EML5: variants seen among roughly 807,000 people sequenced by gnomAD.
The protein encoded by EML5 is echinoderm microtubule-associated protein-like 5.
EML5 carries 120 observed loss-of-function variants against 250.0 expected under a neutral mutation model. The ratio of observed to expected loss-of-function variants is 0.48; its 90% CI spans 0.41 to 0.56. EML5 has a LOEUF of 0.56. Ranked by LOEUF, EML5 falls within the 20% of genes least tolerant of loss-of-function variation. The probability of loss-of-function intolerance (pLI) is 0.00; values close to 1 mark genes in which losing one functional copy is unlikely to be tolerated. For synonymous variants in EML5, 771 were observed against 806.5 expected (o/e 0.96, Z 0.75); for missense variants, 2,006 against 2,437.6 (o/e 0.82, Z 3.73).
At chr14:88,700,194 C>T (rs1333114384) in intron 14 of EML5, among the ~76,000 whole-genome samples, 1 of 152,134 alleles carries the variant, frequency 6.6e-6, no homozygotes, top group Non-Finnish European at 1.5e-5. Flanking sequence ...AAGTTTCTTT[C>T]ACATTCTTTC....
intron 21 of EML5, 94 bp from the exon 22 acceptor site, chr14:88,665,583 C>T: frequency 2.0e-6 from 3 of 1,525,776 alleles, no homozygotes; most frequent in Non-Finnish European, 8.9e-7. Flanking sequence ...TCCAAGCACT[C>T]TGGGGAGCTG....
intron 1 of EML5, among the ~76,000 whole-genome samples, chr14:88,783,545 T>C (rs527555287): frequency 3.9e-5 from 6 of 152,168 alleles, no homozygotes; most frequent in African/African-American, 1.4e-4. Context: ...AAAAAGTAGA[T>C]TTGAAGTAAA....
At position 88,720,160 on chromosome 14, in the gene EML5, A is replaced by G. The variant is rs191399491; in HGVS notation, c.1188-4965T>C. ...GGCAGTAATAAATAGCCTACCAACC[A>G]AAAAAGGCTCATGACCAGATGAATT... On this transcript the variant is annotated intron_variant, in intron 8 of 43. Coordinates refer to ENST00000554922, the MANE Select transcript of EML5 (RefSeq NM_183387.3). Among the ~76,000 whole-genome samples, 107 of 152,312 alleles carry G rather than the reference A, an allele frequency of 7.0e-4. No individual in the cohort carries two copies. The South Asian group carries it at 9.1e-3, about 13-fold the overall frequency.
intron 30 of EML5, 67 bp from the exon 31 acceptor site, chr14:88,643,089 T>C (rs753210792): frequency 2.0e-4 from 282 of 1,420,848 alleles, no homozygotes; most frequent in Non-Finnish European, 2.6e-4. Context: ...TGTTTTGTTG[T>C]ATACGTAATA....
intron 20 of EML5, 45 bp from the exon 21 acceptor site, chr14:88,682,076 T>C (rs1352829336): frequency 6.9e-7 from 1 of 1,458,588 alleles, no homozygotes; most frequent in Non-Finnish European, 9.1e-7. Flanking sequence ...TGTGTGTATA[T>C]TTATACACAG....
chr14:88,739,570 C>A (rs897882233), intron 5 of EML5, among the ~76,000 whole-genome samples: 4 of 151,874 alleles, frequency 2.6e-5, no homozygotes, highest in African/African-American at 9.7e-5. Context: ...AAATATAAAA[C>A]AAGAATATTA....
At chr14:88,646,905 A>G (rs540472029) in intron 29 of EML5, 42 bp downstream of exon 29, 3 of 1,577,986 alleles carry the variant, frequency 1.9e-6, no homozygotes, top group Non-Finnish European at 2.6e-6. Context: ...GATGACAAAA[A>G]TACAAAGTTA....
At chr14:88,624,667 C>T (rs1375003093) in intron 36 of EML5, 7 of 255,316 alleles carry the variant, frequency 2.7e-5, no homozygotes, top group Non-Finnish European at 5.2e-5. Context: ...CCCCCATGGG[C>T]CTCCTACTCA....
chr14:88,671,015 C>T (rs2092449013), intron 21 of EML5, among the ~76,000 whole-genome samples: 1 of 152,160 alleles, frequency 6.6e-6, no homozygotes, highest in African/African-American at 2.4e-5. Context: ...ACTTCCCCAA[C>T]CTAACAAGAC....
At chr14:88,736,312 G>A (rs2093840780) in intron 7 of EML5, 52 bp downstream of exon 7, 1 of 1,593,562 alleles carries the variant, frequency 6.3e-7, no homozygotes, top group Non-Finnish European at 8.6e-7. Flanking sequence ...TTTTCTTTAT[G>A]TTTATCTAAG....
chr14:88,720,627 C>A (rs1389188328), intron 8 of EML5, among the ~76,000 whole-genome samples: 3 of 151,996 alleles, frequency 2.0e-5, no homozygotes, highest in Non-Finnish European at 4.4e-5. Flanking sequence ...GGAACATCCC[C>A]CAAAATAATA....
At chr14:88,772,276 G>A (rs1044864750) in intron 1 of EML5, among the ~76,000 whole-genome samples, 5 of 152,014 alleles carry the variant, frequency 3.3e-5, no homozygotes, top group South Asian at 4.2e-4. Context: ...CAACTACTTC[G>A]GTAGCCTTCT....
At chr14:88,643,324 A>T (rs2091171245) in intron 30 of EML5, among the ~76,000 whole-genome samples, 2 of 152,224 alleles carry the variant, frequency 1.3e-5, no homozygotes, top group African/African-American at 2.4e-5. Context: ...ACTGAGGTAC[A>T]GTTGGCCTTA....
Position 88,792,328 on chromosome 14 carries a change from C to A in EML5, c.176G>T (p.Gly59Val). Reference protein sequence around the residue: ...PREHRQKFYRGHSDDIISLAL... With the variant: ...PREHRQKFYRVHSDDIISLAL... Reference sequence around the variant, plus strand: ...GTACCTGATGATGTCGTCGCTGTGGCCCCGGTAGAACTTCTGCCTGTGCTC... The same window carrying A: ...GTACCTGATGATGTCGTCGCTGTGGACCCGGTAGAACTTCTGCCTGTGCTC... Residue 59 changes from glycine (G) to valine (V), a missense_variant, in exon 1 of 44, where the codon GGC becomes GTC. Physicochemically the swap from Gly to Val is moderately radical, Grantham distance 109. Transcript: ENST00000554922. The surrounding 1 kb of genome is among the most constrained non-coding windows in gnomAD (Gnocchi z 6.9). 6.4e-7 allele frequency: 1 copy of A among 1,562,294 alleles called. No individual in the cohort carries two copies. The highest frequency in any genetic ancestry group is 8.7e-7 in the Non-Finnish European group (1 of 1,155,340).
intron 20 of EML5, among the ~76,000 whole-genome samples, chr14:88,683,983 AG>A (rs1489255479): frequency 2.0e-5 from 3 of 152,094 alleles, no homozygotes; most frequent in Non-Finnish European, 2.9e-5. Flanking sequence ...AAAAAGAAAT[AG>A]CAGGCATCCA....
At chr14:88,697,107 A>G (rs921798026) in intron 14 of EML5, among the ~76,000 whole-genome samples, 155 bp from the exon 15 acceptor site, 43 of 152,130 alleles carry the variant, frequency 2.8e-4, no homozygotes, top group Non-Finnish European at 1.2e-4. Flanking sequence ...AGTGACTGAT[A>G]TTTTTTTCTT....
At chr14:88,660,409 T>C (rs1384935615) in intron 25 of EML5, among the ~76,000 whole-genome samples, 1 of 152,090 alleles carries the variant, frequency 6.6e-6, no homozygotes, top group African/African-American at 2.4e-5. Flanking sequence ...AAGAATTAAG[T>C]ACTTGCACAG....
At chr14:88,772,497 C>G (rs868588201) in intron 1 of EML5, among the ~76,000 whole-genome samples, 5 of 152,320 alleles carry the variant, frequency 3.3e-5, no homozygotes, top group Middle Eastern at 3.4e-3. Context: ...GTAGCTCATG[C>G]CTGTAACAGC....
At chr14:88,692,247 G>C (rs2092976361) in intron 17 of EML5, among the ~76,000 whole-genome samples, 1 of 151,936 alleles carries the variant, frequency 6.6e-6, no homozygotes. Context: ...TGTGGTGGCG[G>C]GCACCTGTAA....
Sources: gnomAD v4.1 joint callset for allele counts (sites outside exome capture counted in the v4.1 genomes callset) on GRCh38, gnomAD v4.1.1 for gene constraint, Gnocchi (gnomAD v3.1) non-coding constraint, MANE v1.5 for transcripts, NCBI Gene and HGNC (gene_info 2026-07-23, HGNC 2026-07-21) for gene names.